ZNF557: variants seen among roughly 807,000 people sequenced by gnomAD.
The protein encoded by ZNF557 is CTB-25J19.9.
ZNF557 carries 19 observed loss-of-function variants against 21.2 expected under a neutral mutation model. That is an observed-to-expected ratio of 0.90 (90% CI 0.63 to 1.32). The LOEUF (loss-of-function observed/expected upper bound fraction) is 1.32. Ranked by LOEUF, ZNF557 falls within the 40% of genes most tolerant of loss-of-function variation. The probability of loss-of-function intolerance (pLI) is 0.00; values close to 1 mark genes in which losing one functional copy is unlikely to be tolerated. For synonymous variants in ZNF557, 207 were observed against 194.8 expected, an observed-to-expected ratio of 1.06 and a Z score of -0.52; for missense variants, 487 against 519.8, an observed-to-expected ratio of 0.94 and a Z score of 0.61.
chr19:7,076,237 C>G (rs752001629), intron 4 of ZNF557, 144 bp from the exon 5 acceptor site: 1 of 1,551,610 alleles, frequency 6.4e-7, no homozygotes, highest in East Asian at 2.3e-5. Context: ...GAGAAGAGCT[C>G]AGAACCTCAG....
At chr19:7,076,770 C>G (rs1249444914) in intron 5 of ZNF557, among the ~76,000 whole-genome samples, 5 of 152,122 alleles carry the variant, frequency 3.3e-5, no homozygotes, top group Non-Finnish European at 7.4e-5. Flanking sequence ...TTGGCAGGCA[C>G]TAATCTTTCC....
Position 7,076,428 on chromosome 19 carries a change from GT to G in ZNF557, c.169del (p.Trp57GlyfsTer15), listed in dbSNP as rs1568407248. The G allele has an allele frequency of 2.5e-6, 4 of 1,614,222 alleles. No homozygotes were observed. The South Asian group carries it at 4.4e-5, about 18-fold the overall frequency. ...TGGCCGTGGAGTTCACCCAGGAGGA[GT>G]GGGCATTGCTGGACCCTGCCCAAAG... ...DVAVEFTQEE[W>X]ALLDPAQRTL... On this transcript the variant is annotated frameshift_variant, in exon 5 of 8. Transcript: ENST00000252840. LOFTEE classifies it high-confidence loss of function.
intron 5 of ZNF557, among the ~76,000 whole-genome samples, chr19:7,080,625 T>C (rs1977680955): frequency 6.6e-6 from 1 of 152,174 alleles, no homozygotes; most frequent in African/African-American, 2.4e-5. Flanking sequence ...GTGCATTCTG[T>C]TCCCTTCAGC....
chr19:7,074,039 T>C (rs1439639185), intron 2 of ZNF557, among the ~76,000 whole-genome samples: 1 of 149,096 alleles, frequency 6.7e-6, no homozygotes, highest in Non-Finnish European at 1.5e-5. Context: ...GTTGCTCTGT[T>C]GCCCAGGCTG....
At position 7,081,419 on chromosome 19, in the gene ZNF557, A is replaced by C. The variant is rs538697582; in HGVS notation, c.307A>C (p.Thr103Pro). 6 of 1,613,836 alleles carry C rather than the reference A, an allele frequency of 3.7e-6. No homozygotes were observed. The South Asian group carries it at 5.5e-5, about 15-fold the overall frequency. Residue 103 changes from threonine to proline, a missense_variant, in exon 6 of 8, where the codon ACA (threonine) becomes CCA (proline). Transcript: ENST00000252840. Reference sequence around the variant, plus strand: ...GCTGGAGCAAGAAGATAAAGTGATGACAGAAGAGAGAGGAATTCTCTCAGG... The same window carrying C: ...GCTGGAGCAAGAAGATAAAGTGATGCCAGAAGAGAGAGGAATTCTCTCAGG... ...SQLEQEDKVM[T>P]EERGILSGTC... is the part of the protein sequence containing the mutation.
chr19:7,077,899 A>G (rs1307617804), intron 5 of ZNF557, among the ~76,000 whole-genome samples: 1 of 152,202 alleles, frequency 6.6e-6, no homozygotes, highest in Admixed American at 6.5e-5. Context: ...CCTAAAAAAA[A>G]TGATGAGATT....
intron 4 of ZNF557, among the ~76,000 whole-genome samples, 159 bp downstream of exon 4, chr19:7,075,902 G>A (rs978324533): frequency 6.6e-6 from 1 of 152,102 alleles, no homozygotes; most frequent in African/African-American, 2.4e-5. Context: ...GTGTGTCAAC[G>A]TTTACTGCAG....
rs115315198 is a variant in ZNF557 at position 7,076,638 on chromosome 19, G to A, written c.247+131G>A. 3.3e-3 allele frequency: 4,524 copies of A among 1,365,364 alleles called. 98 individuals carry two copies. The African/African-American group carries it at 0.06, about 18-fold the overall frequency. 84.6% of individuals were successfully genotyped at this position (1,365,364 alleles called of 1,614,324 possible). ...CTATTTTAAAGTGTCCAATTTGGTG[G>A]CTTTTCGTAGGTTCACAGTGTAGTA... On this transcript the variant is annotated intron_variant, in intron 5 of 7. Coordinates refer to ENST00000252840, the MANE Select transcript of ZNF557 (RefSeq NM_024341.3).
intron 5 of ZNF557, among the ~76,000 whole-genome samples, chr19:7,080,358 C>T (rs949166376): frequency 6.6e-6 from 1 of 152,142 alleles, no homozygotes; most frequent in African/African-American, 2.4e-5. Flanking sequence ...ATCTTGTTCC[C>T]AACTTCTCCT....
Position 7,083,364 on chromosome 19 carries a change from T to A in ZNF557, c.913T>A (p.Ser305Thr), listed in dbSNP as rs1481561595. Reference protein sequence around the residue: ...NQCGKAFGTRSSLSSHYSIHT... With the variant: ...NQCGKAFGTRTSLSSHYSIHT... ...GTGTGGAAAGGCTTTCGGCACGAGG[T>A]CATCTCTTTCTTCGCACTATAGCAT... The change falls in exon 8 of 8, where the codon TCA becomes ACA. Residue 305 changes from serine to threonine, a missense_variant. Ser to Thr is a moderately conservative substitution (Grantham distance 58). Transcript: ENST00000252840. 2.5e-6 allele frequency: 4 copies of A among 1,613,878 alleles called. No homozygotes were observed. The highest frequency in any genetic ancestry group is 2.5e-6 in the Non-Finnish European group (3 of 1,180,006).
chr19:7,079,442 G>A (rs577794563), intron 5 of ZNF557, among the ~76,000 whole-genome samples: 1,543 of 137,398 alleles, frequency 0.011, 19 homozygotes, highest in African/African-American at 0.029. Flanking sequence ...AGGGTTCACC[G>A]TGTTAGCCAG....
At chr19:7,073,660 C>G (rs1977510255) in intron 2 of ZNF557, among the ~76,000 whole-genome samples, 1 of 151,956 alleles carries the variant, frequency 6.6e-6, no homozygotes, top group South Asian at 2.1e-4. Context: ...AAAGAGCCTC[C>G]CATCTCTGCT....
chr19:7,079,397 A>G (rs905533755), intron 5 of ZNF557, among the ~76,000 whole-genome samples: 1 of 144,142 alleles, frequency 6.9e-6, no homozygotes, highest in Non-Finnish European at 1.5e-5. Context: ...GCCCACCACC[A>G]CGCCTCGCTA....
chr19:7,073,116 G>A (rs1977495560), intron 2 of ZNF557, among the ~76,000 whole-genome samples: 2 of 151,106 alleles, frequency 1.3e-5, no homozygotes, highest in Non-Finnish European at 2.9e-5. Context: ...ACATGGAACT[G>A]TAGAGAAATA....
intron 2 of ZNF557, 45 bp from the exon 3 acceptor site, chr19:7,074,951 C>G: frequency 1.3e-6 from 2 of 1,517,448 alleles, no homozygotes; most frequent in Non-Finnish European, 1.8e-6. Flanking sequence ...AGGGCACGGG[C>G]TGGAGGGGGT....
At position 7,086,064 on chromosome 19, in the gene ZNF557, T is replaced by C. The variant is rs2145181325; in HGVS notation, c.*2320T>C. 1.3e-5 allele frequency: 2 copies of C among 151,796 alleles called. No homozygotes were observed. The highest frequency in any genetic ancestry group is 4.2e-4 in the South Asian group (2 of 4,810). The allele number at this position is 151,796 out of a possible 1,614,324, so 9.4% of individuals were successfully genotyped here. ...GGCCAACATGGTGAAACCCCGCTTC[T>C]ACTAAAAAATACAAAAATTAGCCGG... On this transcript the variant is annotated 3_prime_UTR_variant, in exon 8 of 8. Transcript: ENST00000252840.
At chr19:7,082,079 T>C in intron 7 of ZNF557, 27 bp downstream of exon 7, 1 of 1,571,588 alleles carries the variant, frequency 6.4e-7, no homozygotes, top group Non-Finnish European at 8.7e-7. Flanking sequence ...TGATTCCTGG[T>C]TTTTTTCATG....
intron 5 of ZNF557, 118 bp from the exon 6 acceptor site, chr19:7,081,242 A>G: frequency 1.6e-6 from 1 of 618,794 alleles, no homozygotes; most frequent in Non-Finnish European, 2.9e-6. Flanking sequence ...ATTTTGGCAT[A>G]ATTATTTCTC....
intron 5 of ZNF557, among the ~76,000 whole-genome samples, chr19:7,076,846 C>T (rs969319534): frequency 6.6e-6 from 1 of 152,108 alleles, no homozygotes; most frequent in African/African-American, 2.4e-5. Context: ...CTCCGTCACC[C>T]AGGCTATAGT....
Sources: allele counts gnomAD v4.1 joint callset (sites outside exome capture counted in the v4.1 genomes callset), GRCh38; gene constraint gnomAD v4.1.1; transcripts MANE v1.5; gene names NCBI Gene and HGNC (gene_info 2026-07-23, HGNC 2026-07-21).